Variants in BCL7A observed in about 807,000 individuals in gnomAD.
BCL7A encodes the protein B-cell CLL/lymphoma 7 protein family member A.
A neutral mutation model predicts 28.4 loss-of-function variants in BCL7A; 11 were observed. The ratio of observed to expected loss-of-function variants is 0.39; its 90% CI spans 0.24 to 0.64. BCL7A has a LOEUF of 0.64. BCL7A is among the 30% of genes least tolerant of loss of function. The probability of loss-of-function intolerance (pLI) is 0.50; values close to 1 mark genes in which losing one functional copy is unlikely to be tolerated. For missense variants in BCL7A, 222 were observed against 274.8 expected (o/e 0.81, Z 1.36); for synonymous variants, 123 against 103.3 (o/e 1.19, Z -1.15).
rs530672833 is a variant in BCL7A, at chr12:122,061,840, G to T, written c.*2677G>T. ...CATTAGCAAACGGTGTCATGGTTTG[G>T]AATGTTCATTATCGCCAAGAACCTG... On this transcript the variant is annotated 3_prime_UTR_variant, in exon 6 of 6. Transcript: ENST00000261822. 2.7e-5 allele frequency: 6 copies of T among 226,276 alleles called. No homozygotes were observed. In the South Asian group the frequency reaches 1.1e-3, roughly 42 times the overall value. The allele number at this position is 226,276 out of a possible 1,614,324, so 14.0% of individuals were successfully genotyped here. A position where few individuals can be genotyped will look rare whatever the true frequency, so the allele number is the denominator to read the frequency against.
chr12:122,024,976 G>A (rs1421403965), intron 1 of BCL7A, among the ~76,000 whole-genome samples: 1 of 85,666 alleles, frequency 1.2e-5, no homozygotes, highest in African/African-American at 4.5e-5. Context: ...CCCCACCCCC[G>A]GAAAAAGCTG....
At position 122,022,169 on chromosome 12, in the gene BCL7A, G is replaced by A. The variant is rs551878227; in HGVS notation, c.78G>A (p.Glu26=). 2 of 1,555,354 alleles carry A rather than the reference G, an allele frequency of 1.3e-6. No homozygotes were observed. Among genetic ancestry groups the A allele is most frequent in the East Asian group, 2.5e-5 (1 of 40,466 alleles). Residue 26 remains glutamate (E), a synonymous_variant, in exon 1 of 6, where the codon GAG becomes GAA. Coordinates refer to ENST00000261822, the MANE Select transcript of BCL7A (RefSeq NM_001024808.3). ...TCAAGAGGGTCATGGCGGCGATCGA[G>A]AAAGTGCGCAAATGGTAAGCGGAGG... is the stretch of plus-strand genomic sequence containing the variant. ...DDIKRVMAAI[E]KVRKWEKKWV...
At chr12:122,026,649 C>A (rs1009939963) in intron 1 of BCL7A, among the ~76,000 whole-genome samples, 4 of 152,214 alleles carry the variant, frequency 2.6e-5, no homozygotes, top group Non-Finnish European at 4.4e-5. Context: ...CTACTGGGCA[C>A]ATGGCAGGTC....
chr12:122,055,087 C>T, intron 5 of BCL7A, 161 bp downstream of exon 5: 1 of 1,420,704 alleles, frequency 7.0e-7, no homozygotes. Context: ...GAACACAGTC[C>T]TGGGCTCTGC....
intron 5 of BCL7A, among the ~76,000 whole-genome samples, chr12:122,057,456 T>C (rs960245539): frequency 2.0e-5 from 3 of 152,120 alleles, no homozygotes; most frequent in African/African-American, 7.2e-5. Flanking sequence ...GTGGTTTCTA[T>C]TGGAGGAAGG....
Position 122,029,681 on chromosome 12 carries a change from G to A in BCL7A, c.93-1019G>A, listed in dbSNP as rs1411989466. On this transcript the variant is annotated intron_variant, in intron 1 of 5. Transcript: ENST00000261822. The surrounding 1 kb of genome is among the most constrained non-coding windows in gnomAD (Gnocchi z 4.3). ...TCCTTGGTGGCCTCGCAGGTCTCCT[G>A]ATCTGGCAGAGTCTTGATTTAGGAG... 6.6e-6 allele frequency among the ~76,000 whole-genome samples: 1 copy of A among 152,192 alleles called. No individual in the cohort carries two copies. The highest frequency in any genetic ancestry group is 1.5e-5 in the Non-Finnish European group (1 of 68,028).
Position 122,022,192 on chromosome 12 carries a change from A to G in BCL7A, c.92+9A>G. On this transcript the variant is annotated intron_variant, in intron 1 of 5. Transcript: ENST00000261822. ...GAGAAAGTGCGCAAATGGTAAGCGG[A>G]GGCGCCCGCCGCCAGCCGCCTCCCC... 1 of 1,456,022 alleles carries G rather than the reference A, an allele frequency of 6.9e-7. No homozygotes were observed. The highest frequency in any genetic ancestry group is 9.1e-7 in the Non-Finnish European group (1 of 1,095,286). 90.2% of individuals were successfully genotyped at this position (1,456,022 alleles called of 1,614,324 possible).
intron 2 of BCL7A, among the ~76,000 whole-genome samples, chr12:122,030,988 C>T (rs745974484): frequency 1.3e-5 from 2 of 152,126 alleles, no homozygotes; most frequent in South Asian, 2.1e-4. Flanking sequence ...GCCCTCAGAG[C>T]GGTGGACGGG....
At chr12:122,033,406 C>A (rs919927093) in intron 2 of BCL7A, among the ~76,000 whole-genome samples, 2 of 152,232 alleles carry the variant, frequency 1.3e-5, no homozygotes, top group South Asian at 2.1e-4. Context: ...CTCCACCTCC[C>A]GGGTTCAAGC....
At position 122,060,476 on chromosome 12, in the gene BCL7A, C is replaced by T. The variant is rs563406030; in HGVS notation, c.*1313C>T. ...TCCCCCACCTTCGCTGGAACAGCTTCCTCTCACTGAACGGAGACGCCCCCT... is the reference window on the plus strand; with the variant it reads ...TCCCCCACCTTCGCTGGAACAGCTTTCTCTCACTGAACGGAGACGCCCCCT... On this transcript the variant is annotated 3_prime_UTR_variant, in exon 6 of 6. Transcript: ENST00000261822. 1 of 230,504 alleles carries T rather than the reference C, an allele frequency of 4.3e-6. No homozygotes were observed. 14.3% of individuals were successfully genotyped at this position (230,504 alleles called of 1,614,324 possible). A position where few individuals can be genotyped will look rare whatever the true frequency, so the allele number is the denominator to read the frequency against.
intron 1 of BCL7A, among the ~76,000 whole-genome samples, chr12:122,023,407 C>G (rs1883522598): frequency 6.6e-6 from 1 of 152,158 alleles, no homozygotes; most frequent in Admixed American, 6.5e-5. Context: ...GGTGTCGTTT[C>G]TCGAGTAGCG....
intron 5 of BCL7A, among the ~76,000 whole-genome samples, chr12:122,056,518 T>C (rs1264857176): frequency 6.6e-6 from 1 of 152,110 alleles, no homozygotes; most frequent in African/African-American, 2.4e-5. Flanking sequence ...AATACGTTTT[T>C]GGCCGGGTGC....
intron 4 of BCL7A, among the ~76,000 whole-genome samples, chr12:122,047,277 A>G (rs1309325612): frequency 1.3e-5 from 2 of 151,012 alleles, no homozygotes; most frequent in Non-Finnish European, 2.9e-5. Flanking sequence ...TAATCCCCGC[A>G]CTTTGGGAGG....
rs1455155770 is a variant in BCL7A at position 122,059,170 on chromosome 12, C to T, written c.*7C>T. 1 of 1,606,810 alleles carries T rather than the reference C, an allele frequency of 6.2e-7. No homozygotes were observed. Among genetic ancestry groups the T allele is most frequent in the South Asian group, 1.1e-5 (1 of 90,890 alleles). On this transcript the variant is annotated 3_prime_UTR_variant, in exon 6 of 6. Transcript: ENST00000261822. This position sits in a 1 kb window ranked among gnomAD's most constrained non-coding sequence, Gnocchi z 4.0. Reference sequence around the variant, plus strand: ...AAACTCCGAAGAGATGTAGACGATGCTTTAAAGCCTCCGATCCATGTTCCA... The same window carrying T: ...AAACTCCGAAGAGATGTAGACGATGTTTTAAAGCCTCCGATCCATGTTCCA...
intron 5 of BCL7A, among the ~76,000 whole-genome samples, chr12:122,056,772 C>G (rs139693326): frequency 3.1e-4 from 47 of 152,180 alleles, no homozygotes; most frequent in African/African-American, 1.1e-3. Context: ...TACCATTGCC[C>G]TCCAGCCTGG....
chr12:122,041,713 A>G (rs1049578578), intron 3 of BCL7A, among the ~76,000 whole-genome samples: 3 of 152,120 alleles, frequency 2.0e-5, no homozygotes, highest in African/African-American at 7.2e-5. Context: ...GCAGTGAGCT[A>G]TGATTGTGCT....
chr12:122,053,177 G>T (rs1884234459), intron 4 of BCL7A, among the ~76,000 whole-genome samples: 1 of 152,144 alleles, frequency 6.6e-6, no homozygotes, highest in Non-Finnish European at 1.5e-5. Context: ...TGTATTTTTA[G>T]TAGAGACGGG....
chr12:122,040,532 CAAAAA>C (rs1021397193), intron 3 of BCL7A, among the ~76,000 whole-genome samples: 2 of 59,752 alleles, frequency 3.3e-5, no homozygotes, highest in Non-Finnish European at 6.8e-5. Context: ...GCCGTGTCTC[CAAAAA>C]AAAAAAAAAA....
chr12:122,046,118 G>A (rs139090561), intron 4 of BCL7A, among the ~76,000 whole-genome samples: 1 of 148,774 alleles, frequency 6.7e-6, no homozygotes, highest in East Asian at 2.0e-4. Flanking sequence ...TACCGTTACT[G>A]CATCTAAGAA....
Sources: allele counts gnomAD v4.1 joint callset (sites outside exome capture counted in the v4.1 genomes callset), GRCh38; gene constraint gnomAD v4.1.1; non-coding constraint Gnocchi (gnomAD v3.1); transcripts MANE v1.5; gene names NCBI Gene and HGNC (gene_info 2026-07-23, HGNC 2026-07-21).